MAPK8IP3: variants seen among roughly 807,000 people sequenced by gnomAD.
MAPK8IP3 encodes C-Jun-amino-terminal kinase-interacting protein 3.
Under a neutral mutation model 157.8 loss-of-function variants are expected in MAPK8IP3, and 49 were observed. That is an observed-to-expected ratio of 0.31 (90% CI 0.25 to 0.39). MAPK8IP3 has a LOEUF of 0.39. MAPK8IP3 is among the 10% of genes least tolerant of loss of function. The pLI is 1.00. For synonymous variants in MAPK8IP3, 897 were observed against 777.7 expected (o/e 1.15, Z -2.55); for missense variants, 1,478 against 1,889.4 (o/e 0.78, Z 4.04).
chr16:1,739,772 G>C (rs552411474), intron 4 of MAPK8IP3, among the ~76,000 whole-genome samples: 1 of 122,358 alleles, frequency 8.2e-6, no homozygotes, highest in Non-Finnish European at 1.7e-5. Flanking sequence ...CCATGTGAGC[G>C]TGTCACCGTC....
intron 8 of MAPK8IP3, among the ~76,000 whole-genome samples, chr16:1,755,325 T>C (rs2041530742): frequency 6.6e-6 from 1 of 152,136 alleles, no homozygotes; most frequent in African/African-American, 2.4e-5. Context: ...TAAACAGCAG[T>C]GATTTCCAGG....
rs1398281253 is a variant in MAPK8IP3, at chr16:1,770,335, C to T, written c.*1511C>T. On this transcript the variant is annotated 3_prime_UTR_variant, in exon 32 of 32. Transcript: ENST00000610761. ...ACGTCGTAGCTGCCTGTTCCTGGGC[C>T]CAAATCGAAACGAAAACGAGGACTT... 3.1e-6 allele frequency: 1 copy of T among 325,912 alleles called. No individual in the cohort carries two copies. The highest frequency in any genetic ancestry group is 1.1e-4 in the South Asian group (1 of 9,364). The allele number at this position is 325,912 out of a possible 1,614,324, so 20.2% of individuals were successfully genotyped here.
rs759751725 is a variant in MAPK8IP3, at chr16:1,737,445, CGT to C, written c.603-5883_603-5882del. ...GCGTCCGTGTGAGTGTGTGAGCGTC[CGT>C]GTGAGTGTGACCACCCATGTGAGCA... On this transcript the variant is annotated intron_variant, in intron 4 of 31. Transcript: ENST00000610761. Among the ~76,000 whole-genome samples the C allele has an allele frequency of 4.9e-4, 41 of 83,694 alleles. 3 individuals carry two copies. The highest frequency in any genetic ancestry group is 8.3e-4 in the Non-Finnish European group (36 of 43,532). 54.9% of individuals were successfully genotyped at this position (83,694 alleles called of 152,430 possible). A position where few individuals can be genotyped will look rare whatever the true frequency, so the allele number is the denominator to read the frequency against.
In MAPK8IP3 at chr16:1,751,106, C is replaced by T. The variant is rs961496962; in HGVS notation, c.1216+2386C>T. On this transcript the variant is annotated intron_variant, in intron 8 of 31. Coordinates refer to ENST00000610761, the MANE Select transcript of MAPK8IP3 (RefSeq NM_001318852.2). The surrounding 1 kb of genome is among the most constrained non-coding windows in gnomAD (Gnocchi z 5.0). ...TGGCAGCACTGACGGGCACGGCCAC[C>T]GTCGGTCCTTACTGCAGCATCAAGC... Among the ~76,000 whole-genome samples, 11 of 152,248 alleles carry T rather than the reference C, an allele frequency of 7.2e-5. No homozygotes were observed. The highest frequency in any genetic ancestry group is 2.1e-4 in the South Asian group (1 of 4,826).
Position 1,724,221 on chromosome 16 carries a change from C to T in MAPK8IP3, c.319-336C>T, listed in dbSNP as rs1163849292. Among the ~76,000 whole-genome samples the T allele has an allele frequency of 2.6e-5, 4 of 152,248 alleles. No individual in the cohort carries two copies. The highest frequency in any genetic ancestry group is 4.1e-4 in the South Asian group (2 of 4,838). On this transcript the variant is annotated intron_variant, in intron 1 of 31. Coordinates refer to ENST00000610761, the MANE Select transcript of MAPK8IP3 (RefSeq NM_001318852.2). The surrounding 1 kb of genome is among the most constrained non-coding windows in gnomAD (Gnocchi z 4.1). ...ATTGGGCCTTCTGAGTGCAGGGCCC[C>T]GCATTGCTGCCCGGGTCTCATGCAG...
intron 8 of MAPK8IP3, among the ~76,000 whole-genome samples, chr16:1,752,741 C>T (rs1053032338): frequency 9.7e-5 from 14 of 143,818 alleles, no homozygotes; most frequent in African/African-American, 3.2e-4. Flanking sequence ...AGAGTGAGGC[C>T]CTGTCTCTTA....
At chr16:1,757,229 C>T (rs1277851130) in intron 8 of MAPK8IP3, among the ~76,000 whole-genome samples, 5 of 152,070 alleles carry the variant, frequency 3.3e-5, no homozygotes, top group African/African-American at 7.2e-5. Context: ...CTCAGCCGCC[C>T]GAGTAGCTGG....
intron 1 of MAPK8IP3, among the ~76,000 whole-genome samples, chr16:1,713,089 G>A (rs1316209228): frequency 2.0e-5 from 3 of 152,214 alleles, no homozygotes; most frequent in African/African-American, 4.8e-5. Context: ...GTGCAGTTCC[G>A]GAAGGTCAAG....
At chr16:1,737,426 G>A (rs1276003706) in intron 4 of MAPK8IP3, among the ~76,000 whole-genome samples, 5 of 111,666 alleles carry the variant, frequency 4.5e-5, no homozygotes, top group Admixed American at 1.7e-4. Flanking sequence ...GTGAGCGTCC[G>A]TGTGAGTGTG....
At chr16:1,749,511 C>T (rs1358511115) in intron 8 of MAPK8IP3, among the ~76,000 whole-genome samples, 1 of 152,140 alleles carries the variant, frequency 6.6e-6, no homozygotes, top group African/African-American at 2.4e-5. Context: ...ACACCGGACC[C>T]CTGTGCCTAG....
Position 1,767,749 on chromosome 16 carries a change from C to T in MAPK8IP3, c.3409+14C>T. On this transcript the variant is annotated intron_variant, in intron 27 of 31. Coordinates refer to ENST00000610761, the MANE Select transcript of MAPK8IP3 (RefSeq NM_001318852.2). ...GCAAGATGCTAGGTGAGGGGCCACGCCAGATGGGGTGGTGGGGTGCTCAAG... is the reference window on the plus strand; with the variant it reads ...GCAAGATGCTAGGTGAGGGGCCACGTCAGATGGGGTGGTGGGGTGCTCAAG... The T allele has an allele frequency of 6.2e-7, 1 of 1,612,386 alleles. No individual in the cohort carries two copies.
At chr16:1,748,862 T>C in intron 8 of MAPK8IP3, 142 bp downstream of exon 8, 1 of 817,702 alleles carries the variant, frequency 1.2e-6, no homozygotes, top group South Asian at 1.3e-5. Flanking sequence ...TGAGTTGCGT[T>C]TCACATGGAA....
intron 1 of MAPK8IP3, among the ~76,000 whole-genome samples, chr16:1,719,798 G>A (rs2038400809): frequency 6.6e-6 from 1 of 151,928 alleles, no homozygotes; most frequent in East Asian, 1.9e-4. Flanking sequence ...GTGGGTGACA[G>A]AGGGAGACCC....
chr16:1,712,572 T>G (rs1409717560), intron 1 of MAPK8IP3, among the ~76,000 whole-genome samples: 3 of 152,090 alleles, frequency 2.0e-5, no homozygotes, highest in Non-Finnish European at 4.4e-5. Flanking sequence ...ACTGGACATC[T>G]CAGGTGGTGA....
chr16:1,726,432 T>C (rs2038881729), intron 2 of MAPK8IP3, among the ~76,000 whole-genome samples: 1 of 152,154 alleles, frequency 6.6e-6, no homozygotes, highest in African/African-American at 2.4e-5. Flanking sequence ...TTCCACACTT[T>C]GGGAGGCTGA....
At chr16:1,721,723 G>C (rs991128561) in intron 1 of MAPK8IP3, among the ~76,000 whole-genome samples, 1 of 152,132 alleles carries the variant, frequency 6.6e-6, no homozygotes, top group Non-Finnish European at 1.5e-5. Context: ...TTACAGGCAT[G>C]AGCCACCGCT....
At chr16:1,736,974 G>A (rs1252101841) in intron 4 of MAPK8IP3, among the ~76,000 whole-genome samples, 13 of 78,032 alleles carry the variant, frequency 1.7e-4, no homozygotes, top group East Asian at 5.1e-4. Flanking sequence ...CCGTGTGACC[G>A]TCCGTGTGAG....
At chr16:1,763,950 G>A in intron 17 of MAPK8IP3, 165 bp from the exon 18 acceptor site, 4 of 1,056,746 alleles carry the variant, frequency 3.8e-6, no homozygotes, top group Non-Finnish European at 5.3e-6. Flanking sequence ...CTGGGCAGGG[G>A]TCTGGAGGGT....
At chr16:1,739,520 G>A (rs1262592845) in intron 4 of MAPK8IP3, among the ~76,000 whole-genome samples, 14 of 131,912 alleles carry the variant, frequency 1.1e-4, no homozygotes, top group Admixed American at 1.5e-4. Context: ...GTGACCGTCC[G>A]TGTGAGCTTC....
Sources: allele counts gnomAD v4.1 joint callset (sites outside exome capture counted in the v4.1 genomes callset), GRCh38; gene constraint gnomAD v4.1.1; non-coding constraint Gnocchi (gnomAD v3.1); transcripts MANE v1.5; gene names NCBI Gene and HGNC (gene_info 2026-07-23, HGNC 2026-07-21).